NEDD4: variants seen among roughly 807,000 people sequenced by gnomAD.
NEDD4 encodes the protein NEDD4 E3 ubiquitin protein ligase.
NEDD4 carries 99 observed loss-of-function variants against 144.9 expected under a neutral mutation model. That is an observed-to-expected ratio of 0.68 (90% CI 0.58 to 0.81). The LOEUF (loss-of-function observed/expected upper bound fraction) is 0.81, where lower values mean the gene tolerates loss of function less well. Ranked by LOEUF, NEDD4 falls within the 30% of genes least tolerant of loss-of-function variation. The pLI, the probability that NEDD4 is intolerant of heterozygous loss-of-function variation, is 0.00. For missense variants in NEDD4, 985 were observed against 1,065.9 expected (o/e 0.92, Z 1.06); for synonymous variants, 318 against 350.6 (o/e 0.91, Z 1.04).
At chr15:55,857,254 T>TTA (rs2034230943) in intron 11 of NEDD4, among the ~76,000 whole-genome samples, 1 of 152,240 alleles carries the variant, frequency 6.6e-6, no homozygotes, top group Non-Finnish European at 1.5e-5. Flanking sequence ...TCATTTATTC[T>TTA]TTAGGTCTTT....
chr15:55,910,913 A>T (rs2036251032), intron 5 of NEDD4, among the ~76,000 whole-genome samples: 1 of 146,642 alleles, frequency 6.8e-6, no homozygotes, highest in Admixed American at 7.0e-5. Context: ...CACACTCTCA[A>T]ATAAAGACCT....
In NEDD4 at chr15:55,988,669, T is replaced by C. The variant is rs557159961; in HGVS notation, c.45+4842A>G. Among the ~76,000 whole-genome samples, 88 of 152,234 alleles carry C rather than the reference T, an allele frequency of 5.8e-4. 1 individual carries two copies. The highest frequency in any genetic ancestry group is 1.1e-3 in the Non-Finnish European group (73 of 68,012). The stretch of plus-strand genomic sequence containing the variant: ...GGTATCTGTGGATTGAATGGCATTG[T>C]TGTATCAGTGTCCATTTCCTAGCTT... On this transcript the variant is annotated intron_variant, in intron 1 of 28. Transcript: ENST00000435532.
intron 7 of NEDD4, among the ~76,000 whole-genome samples, chr15:55,870,529 C>CTTTTTTTTTTTT (rs58174546): frequency 1.7e-5 from 2 of 117,422 alleles, no homozygotes; most frequent in Admixed American, 8.9e-5. Context: ...TCTTCTTCTT[C>CTTTTTTTTTTTT]TTTTTTTTTT....
At chr15:55,899,893 C>G (rs1470155047) in intron 5 of NEDD4, among the ~76,000 whole-genome samples, 2 of 152,192 alleles carry the variant, frequency 1.3e-5, no homozygotes, top group Admixed American at 1.3e-4. Flanking sequence ...TCAATAGCCA[C>G]ATGTGGCTAC....
At chr15:55,943,332 T>C (rs1377013556) in intron 4 of NEDD4, among the ~76,000 whole-genome samples, 1 of 152,178 alleles carries the variant, frequency 6.6e-6, no homozygotes, top group Non-Finnish European at 1.5e-5. Context: ...GAATGCATTT[T>C]AGAGATCTTT....
chr15:55,969,442 G>C (rs1354055527), intron 1 of NEDD4, among the ~76,000 whole-genome samples: 6 of 152,196 alleles, frequency 3.9e-5, no homozygotes, highest in Admixed American at 3.9e-4. Context: ...ATGAACCAGT[G>C]AGACACCAGA....
chr15:55,944,364 C>A (rs549399951), intron 4 of NEDD4, among the ~76,000 whole-genome samples: 1 of 152,214 alleles, frequency 6.6e-6, no homozygotes, highest in South Asian at 2.1e-4. Flanking sequence ...GGGTACCATG[C>A]CCACAGAGCC....
chr15:55,844,431 G>C (rs1190851412), intron 18 of NEDD4, among the ~76,000 whole-genome samples: 1 of 152,132 alleles, frequency 6.6e-6, no homozygotes, highest in Non-Finnish European at 1.5e-5. Context: ...AGAGAAGACA[G>C]AGGGACCTGT....
At chr15:55,952,200 G>A (rs1427957106) in intron 2 of NEDD4, among the ~76,000 whole-genome samples, 2 of 151,942 alleles carry the variant, frequency 1.3e-5, no homozygotes, top group Non-Finnish European at 2.9e-5. Flanking sequence ...CAGGCGTGGT[G>A]GCAGGCACTT....
chr15:55,948,182 G>T (rs1052176197), intron 4 of NEDD4, among the ~76,000 whole-genome samples: 3 of 152,152 alleles, frequency 2.0e-5, no homozygotes, highest in Non-Finnish European at 4.4e-5. Flanking sequence ...GCCAAATCAT[G>T]AGTGAACTCC....
In NEDD4 at chr15:55,837,042, T is replaced by G. The variant is rs1336349572; in HGVS notation, c.2262+747A>C. ...TGTCTACCAATTGGAAAAATTTAAG[T>G]AACTTTTTAATTTATATTCTGAATA... is the stretch of plus-strand genomic sequence containing the variant. On this transcript the variant is annotated intron_variant, in intron 24 of 28. Coordinates refer to ENST00000435532, the MANE Select transcript of NEDD4 (RefSeq NM_006154.4). Among the ~76,000 whole-genome samples the G allele has an allele frequency of 2.0e-5, 3 of 152,180 alleles. No homozygotes were observed. In the East Asian group the frequency reaches 5.8e-4, roughly 29 times the overall value.
At chr15:55,932,640 A>T (rs2036804792) in intron 4 of NEDD4, among the ~76,000 whole-genome samples, 1 of 152,248 alleles carries the variant, frequency 6.6e-6, no homozygotes, top group South Asian at 2.1e-4. Context: ...CACCAAAAGC[A>T]ATGGCAACAA....
rs564385465 is a variant in NEDD4, at chr15:55,934,860, C to CTTTTTTTTTT, written c.238-10171_238-10162dup. Reference sequence around the variant, plus strand: ...ATATATTCCTATATACAATGTTCTGCTTTTTTTTTTTTTTTTTTTTTTTTT... The same window carrying CTTTTTTTTTT: ...ATATATTCCTATATACAATGTTCTGCTTTTTTTTTTTTTTTTTTTTTTTTTTTTTTTTTTT... On this transcript the variant is annotated intron_variant, in intron 4 of 28. Transcript: ENST00000435532. 6 of 80,860 alleles carry CTTTTTTTTTT rather than the reference C, an allele frequency of 7.4e-5. 1 individual carries two copies. The highest frequency in any genetic ancestry group is 8.5e-5 in the Non-Finnish European group (4 of 47,014). 5.0% of individuals were successfully genotyped at this position (80,860 alleles called of 1,614,324 possible). A position where few individuals can be genotyped will look rare whatever the true frequency, so the allele number is the denominator to read the frequency against.
In NEDD4 at chr15:55,829,411, T is replaced by G. The variant is rs1363956547; in HGVS notation, c.*486A>C. On this transcript the variant is annotated 3_prime_UTR_variant, in exon 29 of 29. Coordinates refer to ENST00000435532, the MANE Select transcript of NEDD4 (RefSeq NM_006154.4). ...TAGCTGCGAGTAGCACTAAATATAT[T>G]GTAGTTTACTCAATAGTAAAGTATT... 1 of 153,818 alleles carries G rather than the reference T, an allele frequency of 6.5e-6. No homozygotes were observed. The highest frequency in any genetic ancestry group is 2.4e-5 in the African/African-American group (1 of 41,446). The allele number at this position is 153,818 out of a possible 1,614,324, so 9.5% of individuals were successfully genotyped here. A position where few individuals can be genotyped will look rare whatever the true frequency, so the allele number is the denominator to read the frequency against.
rs528262074 is a variant in NEDD4, at chr15:55,883,518, TAGGGCCTTGGAGCAAACAG to T, written c.292-9529_292-9511del. ...ACTTTATCTGCTGATTGTAGAGCCC[TAGGGCCTTGGAGCAAACAG>T]AGGTGGCAGCTAGCGAGTGGTTACA... On this transcript the variant is annotated intron_variant, in intron 5 of 28. Coordinates refer to ENST00000435532, the MANE Select transcript of NEDD4 (RefSeq NM_006154.4). Among the ~76,000 whole-genome samples the T allele has an allele frequency of 5.5e-3, 844 of 152,202 alleles. 8 individuals are homozygous for T. The highest frequency in any genetic ancestry group is 0.019 in the African/African-American group (803 of 41,516).
intron 7 of NEDD4, among the ~76,000 whole-genome samples, chr15:55,870,814 G>A (rs1157118413): frequency 1.3e-5 from 2 of 151,990 alleles, no homozygotes; most frequent in East Asian, 3.9e-4. Flanking sequence ...CAATTACAAT[G>A]CTTTCATAAG....
intron 4 of NEDD4, among the ~76,000 whole-genome samples, chr15:55,945,450 T>A (rs1443515324): frequency 1.3e-5 from 2 of 151,910 alleles, no homozygotes; most frequent in African/African-American, 2.4e-5. Context: ...AAAGTGAGAA[T>A]ACAAGTTTAG....
intron 1 of NEDD4, among the ~76,000 whole-genome samples, chr15:55,967,544 T>C (rs1052142472): frequency 1.3e-5 from 2 of 151,988 alleles, no homozygotes; most frequent in Admixed American, 6.6e-5. Flanking sequence ...TTCTTGGGTA[T>C]ACAGGTGTAC....
chr15:55,900,270 A>G (rs1256759960), intron 5 of NEDD4, among the ~76,000 whole-genome samples: 2 of 152,190 alleles, frequency 1.3e-5, no homozygotes, highest in Non-Finnish European at 2.9e-5. Context: ...GATTTGTTTT[A>G]GAGCGCATGG....
Sources: gnomAD v4.1 joint callset for allele counts (sites outside exome capture counted in the v4.1 genomes callset) on GRCh38, gnomAD v4.1.1 for gene constraint, MANE v1.5 for transcripts, NCBI Gene and HGNC (gene_info 2026-07-23, HGNC 2026-07-21) for gene names.